AGAP2: variants seen among roughly 807,000 people sequenced by gnomAD.
The protein encoded by AGAP2 is ArfGAP with GTPase domain, ankyrin repeat and PH domain 2.
A neutral mutation model predicts 110.9 loss-of-function variants in AGAP2; 32 were observed. The ratio of observed to expected loss-of-function variants is 0.29; its 90% CI spans 0.22 to 0.39. The LOEUF (loss-of-function observed/expected upper bound fraction) is 0.39, where lower values mean the gene tolerates loss of function less well. Ranked by LOEUF, AGAP2 falls within the 10% of genes least tolerant of loss-of-function variation. AGAP2 has a pLI of 1.00. For synonymous variants in AGAP2, 702 were observed against 713.0 expected, an observed-to-expected ratio of 0.98 and a Z score of 0.25; for missense variants, 1,285 against 1,638.5, an observed-to-expected ratio of 0.78 and a Z score of 3.72.
upstream of AGAP2, chr12:57,742,123 C>T (rs1955084441): frequency 6.3e-7 from 1 of 1,586,704 alleles, no homozygotes; most frequent in Non-Finnish European, 8.6e-7. Flanking sequence ...CCCTGAGGCC[C>T]ATGGCCCTAC....
chr12:57,736,166 C>G (rs1325558261), intron 1 of AGAP2, among the ~76,000 whole-genome samples: 1 of 152,064 alleles, frequency 6.6e-6, no homozygotes, highest in African/African-American at 2.4e-5. Flanking sequence ...GGCGGGAACT[C>G]TGGGATCCGG....
At position 57,738,449 on chromosome 12, in the gene AGAP2, C is replaced by T. The variant is rs2140369517; in HGVS notation, c.-203G>A. The T allele has an allele frequency of 2.7e-6, 1 of 374,464 alleles. No individual in the cohort carries two copies. The highest frequency in any genetic ancestry group is 6.4e-5 in the Admixed American group (1 of 15,564). 23.2% of individuals were successfully genotyped at this position (374,464 alleles called of 1,614,324 possible). A position where few individuals can be genotyped will look rare whatever the true frequency, so the allele number is the denominator to read the frequency against. ...ACATGGGGCGCCCCCTCCCCATGCTCCCCGCCCTGCGCCCCCACCCTCTTG... is the reference window on the plus strand; with the variant it reads ...ACATGGGGCGCCCCCTCCCCATGCTTCCCGCCCTGCGCCCCCACCCTCTTG... On this transcript the variant is annotated 5_prime_UTR_variant, in exon 1 of 19. Coordinates refer to ENST00000547588, the MANE Select transcript of AGAP2 (RefSeq NM_001122772.3). This position sits in a 1 kb window ranked among gnomAD's most constrained non-coding sequence, Gnocchi z 6.7.
rs1595078744 is a variant in AGAP2, at chr12:57,726,367, G to T, written c.*185C>A. Reference sequence around the variant, plus strand: ...TGAGCTGGGGTCTCCATGCCTCGTTGGGGAGAGGGAGGTGAGTTTGTGTCT... The same window carrying T: ...TGAGCTGGGGTCTCCATGCCTCGTTTGGGAGAGGGAGGTGAGTTTGTGTCT... On this transcript the variant is annotated 3_prime_UTR_variant, in exon 19 of 19. Coordinates refer to ENST00000547588, the MANE Select transcript of AGAP2 (RefSeq NM_001122772.3). This position sits in a 1 kb window ranked among gnomAD's most constrained non-coding sequence, Gnocchi z 5.7. The T allele has an allele frequency of 2.3e-6, 1 of 433,134 alleles. No individual in the cohort carries two copies. The highest frequency in any genetic ancestry group is 3.5e-6 in the Non-Finnish European group (1 of 287,542). 26.8% of individuals were successfully genotyped at this position (433,134 alleles called of 1,614,324 possible). A position where few individuals can be genotyped will look rare whatever the true frequency, so the allele number is the denominator to read the frequency against.
chr12:57,734,561 G>C (rs1954945416), intron 3 of AGAP2, 31 bp downstream of exon 3: 2 of 1,611,696 alleles, frequency 1.2e-6, no homozygotes, highest in Non-Finnish European at 1.7e-6. Flanking sequence ...TGACCCCAAT[G>C]GTTAGCTTAC....
Position 57,731,873 on chromosome 12 carries a change from A to C in AGAP2, c.1889T>G (p.Val630Gly), listed in dbSNP as rs758841724. The C allele has an allele frequency of 6.2e-7, 1 of 1,609,518 alleles. No homozygotes were observed. Among genetic ancestry groups the C allele is most frequent in the South Asian group, 1.1e-5 (1 of 90,138 alleles). The change falls in exon 8 of 19, where the codon GTG (valine) becomes GGG (glycine). Residue 630 changes from valine to glycine, a missense_variant. Physicochemically the swap from Val to Gly is moderately radical, Grantham distance 109. This residue lies in a region of AGAP2 where 844 missense variants were observed against 941.2 expected (regional missense o/e 0.90). Coordinates refer to ENST00000547588, the MANE Select transcript of AGAP2 (RefSeq NM_001122772.3). ...GGACCCTGGGGTGCTCAATCCAGCC[A>C]CTGCAGCTGCCTCGGCTCGGAGCTC... is the stretch of plus-strand genomic sequence containing the variant. ...HRELRAEAAAVAGLSTPGSLH... is the reference protein window; with the variant it reads ...HRELRAEAAAGAGLSTPGSLH...
chr12:57,739,785 G>A (rs1955054886), upstream of AGAP2: 1 of 152,208 alleles, frequency 6.6e-6, no homozygotes. Flanking sequence ...CAAGTATAAG[G>A]ACCCTTCAGT....
rs1329957627 is a variant in AGAP2, at chr12:57,738,073, C to T, written c.174G>A (p.Ala58=). The T allele has an allele frequency of 6.6e-7, 1 of 1,524,438 alleles. No individual in the cohort carries two copies. The highest frequency in any genetic ancestry group is 1.7e-4 in the Middle Eastern group (1 of 5,908). The allele number at this position is 1,524,438 out of a possible 1,614,324, so 94.4% of individuals were successfully genotyped here. The change falls in exon 1 of 19, where the codon GCG becomes GCA. Residue 58 remains alanine (A), a synonymous_variant. Coordinates refer to ENST00000547588, the MANE Select transcript of AGAP2 (RefSeq NM_001122772.3). The surrounding 1 kb of genome is among the most constrained non-coding windows in gnomAD (Gnocchi z 6.7). The stretch of plus-strand genomic sequence containing the variant: ...CGTGCCGCTTCTTGCCCGGCTCCTC[C>T]GCGCCTCGGGGGCTGCCAGGATCCC... ...ETGDPGSPRG[A]EEPGKKRHER...
chr12:57,729,199 GAAAA>G (rs1186860064), intron 13 of AGAP2, among the ~76,000 whole-genome samples: 1 of 141,488 alleles, frequency 7.1e-6, no homozygotes, highest in South Asian at 2.3e-4. Context: ...AAAAAGAAAA[GAAAA>G]AAAAAAGAAA....
In AGAP2 at chr12:57,729,690, T is replaced by C. The variant is rs974246330; in HGVS notation, c.2506A>G (p.Lys836Glu). The C allele has an allele frequency of 1.2e-6, 2 of 1,613,706 alleles. No individual in the cohort carries two copies. Among genetic ancestry groups the C allele is most frequent in the Admixed American group, 3.3e-5 (2 of 59,980 alleles). Residue 836 changes from lysine (K) to glutamate (E), a missense_variant, in exon 13 of 19, where the codon AAA (lysine) becomes GAA (glutamate). By Grantham distance (56) the Lys-to-Glu change is moderately conservative. Coordinates refer to ENST00000547588, the MANE Select transcript of AGAP2 (RefSeq NM_001122772.3). ...GTCTTGGATGGTGTTGTCAATTTTT[T>C]CCTCCTCTGCTTCTTCACCATGGGA... ...PSPMVKKQRRKKLTTPSKTEG... is the reference protein window; with the variant it reads ...PSPMVKKQRREKLTTPSKTEG...
chr12:57,737,481 C>G lies in AGAP2; in HGVS notation c.766G>C (p.Val256Leu). Residue 256 changes from valine (V) to leucine (L), a missense_variant, in exon 1 of 19, where the codon GTC becomes CTC. Val to Leu is a conservative substitution (Grantham distance 32). Around this residue, in one of 7 missense-constraint regions of AGAP2, gnomAD observed 844 missense variants for 941.2 expected, o/e 0.90. Transcript: ENST00000547588. The surrounding 1 kb of genome is among the most constrained non-coding windows in gnomAD (Gnocchi z 5.9). Reference sequence around the variant, plus strand: ...CCTCGGGCTCCAGCCCCAGCCCCGACCCCACCAGAGGTCGAAGCTGTAGAG... The same window carrying G: ...CCTCGGGCTCCAGCCCCAGCCCCGAGCCCACCAGAGGTCGAAGCTGTAGAG... ...GGSTASTSGG[V>L]GAGAGARGKL... is the part of the protein sequence containing the mutation. 1 of 1,608,300 alleles carries G rather than the reference C, an allele frequency of 6.2e-7. No homozygotes were observed. Among genetic ancestry groups the G allele is most frequent in the South Asian group, 1.1e-5 (1 of 90,470 alleles).
intron 1 of AGAP2, among the ~76,000 whole-genome samples, chr12:57,735,670 C>G (rs759381471): frequency 1.3e-5 from 2 of 152,230 alleles, no homozygotes; most frequent in Non-Finnish European, 2.9e-5. Context: ...AAAAATACTT[C>G]AGTTGGCATC....
chr12:57,735,414 A>G lies in AGAP2; in HGVS notation c.1182T>C (p.Asn394=). Residue 394 remains asparagine (N), a synonymous_variant, in exon 2 of 19, where the codon AAT becomes AAC. Transcript: ENST00000547588. ...ELRASPKAVI[N]SQEWTLSRSI... Reference sequence around the variant, plus strand: ...AGCGGCTCAAAGTCCATTCCTGGCTATTGATCACAGCCTCTGTAACGGGAG... The same window carrying G: ...AGCGGCTCAAAGTCCATTCCTGGCTGTTGATCACAGCCTCTGTAACGGGAG... 1 of 1,613,726 alleles carries G rather than the reference A, an allele frequency of 6.2e-7. No individual in the cohort carries two copies. The highest frequency in any genetic ancestry group is 8.5e-7 in the Non-Finnish European group (1 of 1,179,914).
Position 57,737,642 on chromosome 12 carries a change from C to G in AGAP2, c.605G>C (p.Gly202Ala). Residue 202 changes from glycine (G) to alanine (A), a missense_variant, in exon 1 of 19, where the codon GGG (glycine) becomes GCG (alanine). Gly to Ala is a moderately conservative substitution (Grantham distance 60, BLOSUM62 0). Transcript: ENST00000547588. The surrounding 1 kb of genome is among the most constrained non-coding windows in gnomAD (Gnocchi z 5.9). ...TVTTSGAKAG[G>A]GKGAGSRLSW... ...CAGGCGGCTACCCGCGCCCTTGCCC[C>G]CGCCGGCTTTGGCTCCACTCGTGGT... The G allele has an allele frequency of 2.6e-6, 4 of 1,547,364 alleles. No homozygotes were observed. Among genetic ancestry groups the G allele is most frequent in the Non-Finnish European group, 3.5e-6 (4 of 1,146,768 alleles).
intron 2 of AGAP2, among the ~76,000 whole-genome samples, chr12:57,734,920 A>T (rs1021592187): frequency 6.6e-6 from 1 of 151,876 alleles, no homozygotes; most frequent in East Asian, 1.9e-4. Context: ...GTGGAGCACG[A>T]GCTGAAGAAT....
At position 57,727,487 on chromosome 12, in the gene AGAP2, A is replaced by G; in HGVS notation, c.2953T>C (p.Ser985Pro). The G allele has an allele frequency of 6.2e-7, 1 of 1,613,374 alleles. No homozygotes were observed. The highest frequency in any genetic ancestry group is 8.5e-7 in the Non-Finnish European group (1 of 1,179,854). ...NLGTHLSRVR[S>P]LDLDDWPREL... is the part of the protein sequence containing the mutation. ...CGTGGCCAGTCGTCCAAGTCCAGCGAGCGAACGCGGGACAGGTGTGTGCCC... is the reference window on the plus strand; with the variant it reads ...CGTGGCCAGTCGTCCAAGTCCAGCGGGCGAACGCGGGACAGGTGTGTGCCC... The change falls in exon 17 of 19, where the codon TCG (serine) becomes CCG (proline). Residue 985 changes from serine to proline, a missense_variant. Ser to Pro is a moderately conservative substitution (Grantham distance 74, BLOSUM62 -1). Coordinates refer to ENST00000547588, the MANE Select transcript of AGAP2 (RefSeq NM_001122772.3).
Position 57,738,008 on chromosome 12 carries a change from G to A in AGAP2, c.239C>T (p.Thr80Met). 1 of 1,503,254 alleles carries A rather than the reference G, an allele frequency of 6.7e-7. No individual in the cohort carries two copies. Among genetic ancestry groups the A allele is most frequent in the South Asian group, 1.2e-5 (1 of 81,052 alleles). 93.1% of individuals were successfully genotyped at this position (1,503,254 alleles called of 1,614,324 possible). ...FHRQDALWISTSSAGTGGAEP... is the reference protein window; with the variant it reads ...FHRQDALWISMSSAGTGGAEP... ...CGCGCCCCCGGTGCCCGCGCTGCTC[G>A]TGCTGATCCACAGCGCATCCTGCCG... The change falls in exon 1 of 19, where the codon ACG (threonine) becomes ATG (methionine). Residue 80 changes from threonine (T) to methionine (M), a missense_variant. Around this residue, in one of 7 missense-constraint regions of AGAP2, gnomAD observed 844 missense variants for 941.2 expected, o/e 0.90. Coordinates refer to ENST00000547588, the MANE Select transcript of AGAP2 (RefSeq NM_001122772.3). This position sits in a 1 kb window ranked among gnomAD's most constrained non-coding sequence, Gnocchi z 6.7.
upstream of AGAP2, among the ~76,000 whole-genome samples, chr12:57,738,992 C>T (rs913464365): frequency 2.7e-5 from 4 of 148,132 alleles, no homozygotes; most frequent in Non-Finnish European, 6.0e-5. This position sits in a 1 kb window ranked among gnomAD's most constrained non-coding sequence, Gnocchi z 6.7. Context: ...CAGGCCCCCC[C>T]ACCCTATCTC....
chr12:57,734,212 G>T, intron 4 of AGAP2, 39 bp from the exon 5 acceptor site: 3 of 1,607,840 alleles, frequency 1.9e-6, no homozygotes, highest in Non-Finnish European at 8.5e-7. Context: ...AGTCAGACAG[G>T]TCTACTCCTC....
chr12:57,729,916 C>G, intron 12 of AGAP2, 149 bp from the exon 13 acceptor site: 1 of 1,161,972 alleles, frequency 8.6e-7, no homozygotes, highest in Non-Finnish European at 1.2e-6. Context: ...TTGATCATTC[C>G]TGGGGATGCA....
Sources: gnomAD v4.1 joint callset for allele counts (sites outside exome capture counted in the v4.1 genomes callset) on GRCh38, gnomAD v4.1.1 for gene constraint, gnomAD v4.1.1 regional missense constraint, Gnocchi (gnomAD v3.1) non-coding constraint, MANE v1.5 for transcripts, NCBI Gene and HGNC (gene_info 2026-07-23, HGNC 2026-07-21) for gene names.